Variants in ZFPM2 observed in about 807,000 individuals in gnomAD.
The protein encoded by ZFPM2 is zinc finger protein, FOG family member 2, also known as zinc finger protein ZFPM2.
A neutral mutation model predicts 98.6 loss-of-function variants in ZFPM2; 20 were observed. That is an observed-to-expected ratio of 0.20 (90% CI 0.14 to 0.29). ZFPM2 has a LOEUF of 0.29. Among genes scored for constraint, ZFPM2 ranks in the 10% least tolerant of loss-of-function variants. The pLI is 1.00. For missense variants in ZFPM2, 1,310 were observed against 1,388.6 expected, an observed-to-expected ratio of 0.94 and a Z score of 0.90; for synonymous variants, 518 against 502.7, an observed-to-expected ratio of 1.03 and a Z score of -0.41.
chr8:105,377,915 C>T (rs190340537), intron 1 of ZFPM2, among the ~76,000 whole-genome samples: 3 of 152,182 alleles, frequency 2.0e-5, no homozygotes, highest in Non-Finnish European at 2.9e-5. Flanking sequence ...GTTTGAACAC[C>T]TTGAAGAGTA....
At chr8:105,586,561 T>A (rs1055586388) in intron 4 of ZFPM2, among the ~76,000 whole-genome samples, 7 of 151,946 alleles carry the variant, frequency 4.6e-5, no homozygotes, top group South Asian at 2.1e-4. Flanking sequence ...TAGCTGGGAC[T>A]CCAGGCGTGT....
rs201515430 is a variant in ZFPM2, at chr8:105,801,857, C to G, written c.1775C>G (p.Pro592Arg). ...TTCCCTAGTGTGTCAGAAAAGATGC[C>G]TGAAGCTTTGAGTCCCAACACTGGC... Reference protein sequence around the residue: ...PEFPSVSEKMPEALSPNTGQT... With the variant: ...PEFPSVSEKMREALSPNTGQT... Residue 592 changes from proline (P) to arginine (R), a missense_variant, in exon 8 of 8, where the codon CCT becomes CGT. Physicochemically the swap from Pro to Arg is moderately radical, Grantham distance 103. Transcript: ENST00000407775. 31 of 1,613,936 alleles carry G rather than the reference C, an allele frequency of 1.9e-5. No individual in the cohort carries two copies. The African/African-American group carries it at 3.7e-4, about 19-fold the overall frequency.
chr8:105,786,459 AT>A (rs550095638), intron 5 of ZFPM2, among the ~76,000 whole-genome samples: 122 of 152,342 alleles, frequency 8.0e-4, no homozygotes, highest in African/African-American at 2.8e-3. Flanking sequence ...TTAACGAATG[AT>A]TTGAAAGATT....
chr8:105,417,931 A>G (rs1321264517), intron 1 of ZFPM2, among the ~76,000 whole-genome samples: 1 of 152,160 alleles, frequency 6.6e-6, no homozygotes, highest in Non-Finnish European at 1.5e-5. Flanking sequence ...AGAAATTTTT[A>G]GTTGGATGTC....
chr8:105,419,816 A>G (rs1218575357), intron 2 of ZFPM2, among the ~76,000 whole-genome samples: 1 of 151,780 alleles, frequency 6.6e-6, no homozygotes, highest in Non-Finnish European at 1.5e-5. Flanking sequence ...TTCTTTCTCC[A>G]TTCTAGATAC....
intron 2 of ZFPM2, among the ~76,000 whole-genome samples, chr8:105,443,613 A>G (rs1563661343): frequency 6.6e-6 from 1 of 152,138 alleles, no homozygotes; most frequent in Non-Finnish European, 1.5e-5. Context: ...CCATAACTAT[A>G]TTTTTGCTCA....
intron 5 of ZFPM2, among the ~76,000 whole-genome samples, chr8:105,639,949 T>C (rs1816919735): frequency 6.6e-6 from 1 of 152,038 alleles, no homozygotes; most frequent in Non-Finnish European, 1.5e-5. Context: ...AAGTCTTATA[T>C]ACAATGCTAG....
chr8:105,429,133 A>G (rs904084923), intron 2 of ZFPM2, among the ~76,000 whole-genome samples: 7 of 152,182 alleles, frequency 4.6e-5, no homozygotes, highest in Admixed American at 6.5e-5. Context: ...TGCTTACTAT[A>G]TATTTAACAA....
chr8:105,752,319 G>T (rs1812496590), intron 5 of ZFPM2, among the ~76,000 whole-genome samples: 2 of 152,106 alleles, frequency 1.3e-5, no homozygotes, highest in Non-Finnish European at 2.9e-5. Context: ...TGATTCTTCT[G>T]TGTTCCGTCG....
At chr8:105,785,859 G>A (rs1362935630) in intron 5 of ZFPM2, among the ~76,000 whole-genome samples, 4 of 151,894 alleles carry the variant, frequency 2.6e-5, no homozygotes, top group African/African-American at 4.8e-5. Context: ...TGGCTAACAC[G>A]GTGAAACCCC....
chr8:105,472,888 CCTTTT>C (rs1363247025), intron 3 of ZFPM2, among the ~76,000 whole-genome samples: 3 of 110,456 alleles, frequency 2.7e-5, no homozygotes, highest in African/African-American at 9.8e-5. Context: ...CCTAAAGGGA[CCTTTT>C]TTTTTTTTTT....
intron 5 of ZFPM2, among the ~76,000 whole-genome samples, chr8:105,656,495 A>G (rs1817288726): frequency 6.6e-6 from 1 of 152,158 alleles, no homozygotes; most frequent in Non-Finnish European, 1.5e-5. Flanking sequence ...CAACCACATC[A>G]GTATTACGTC....
chr8:105,366,571 A>C (rs997294355), intron 1 of ZFPM2, among the ~76,000 whole-genome samples: 1 of 151,722 alleles, frequency 6.6e-6, no homozygotes, highest in Non-Finnish European at 1.5e-5. Flanking sequence ...CACATTGTGC[A>C]GGTTAGTTAC....
At chr8:105,743,501 G>T (rs1037911148) in intron 5 of ZFPM2, among the ~76,000 whole-genome samples, 125 of 152,136 alleles carry the variant, frequency 8.2e-4, no homozygotes, top group African/African-American at 2.8e-3. Flanking sequence ...TATATGCAGG[G>T]GTGCAGGGTC....
intron 5 of ZFPM2, among the ~76,000 whole-genome samples, chr8:105,714,115 G>T (rs1811464278): frequency 6.6e-6 from 1 of 151,960 alleles, no homozygotes; most frequent in Admixed American, 6.6e-5. Flanking sequence ...CCATATGTTT[G>T]ATTTGTCTGT....
In ZFPM2 at chr8:105,789,292, G is replaced by C. The variant is rs569839323; in HGVS notation, c.739+368G>C. Reference sequence around the variant, plus strand: ...GATGTTCCCCTTCCTGTGTCCATGTGTTCTCATTGTTCAATTCCCACCTAT... The same window carrying C: ...GATGTTCCCCTTCCTGTGTCCATGTCTTCTCATTGTTCAATTCCCACCTAT... On this transcript the variant is annotated intron_variant, in intron 6 of 7. Transcript: ENST00000407775. 7.1e-3 allele frequency among the ~76,000 whole-genome samples: 1,077 copies of C among 151,894 alleles called. 8 individuals carry two copies. Among genetic ancestry groups the C allele is most frequent in the Non-Finnish European group, 0.012 (844 of 67,964 alleles).
At chr8:105,355,881 G>T (rs945074717) in intron 1 of ZFPM2, among the ~76,000 whole-genome samples, 2 of 152,162 alleles carry the variant, frequency 1.3e-5, no homozygotes, top group Admixed American at 6.5e-5. Flanking sequence ...ATATGTGTTT[G>T]AACATGTAGA....
rs1264507586 is a variant in ZFPM2 at position 105,795,257 on chromosome 8, T to C, written c.740-3467T>C. On this transcript the variant is annotated intron_variant, in intron 6 of 7. Transcript: ENST00000407775. ...CCCTCATTTTATCTTTGTGTGTGTG[T>C]GTGTGTGTGTGTGTGTGTGTGTGTG... Among the ~76,000 whole-genome samples, 8 of 150,216 alleles carry C rather than the reference T, an allele frequency of 5.3e-5. No individual in the cohort carries two copies. In the East Asian group the frequency reaches 7.9e-4, roughly 15 times the overall value.
At chr8:105,396,360 G>C (rs989467221) in intron 1 of ZFPM2, among the ~76,000 whole-genome samples, 1 of 152,204 alleles carries the variant, frequency 6.6e-6, no homozygotes, top group African/African-American at 2.4e-5. Context: ...TGGAGTGTGA[G>C]TACCTGCCTT....
Sources: gnomAD v4.1 joint callset for allele counts (sites outside exome capture counted in the v4.1 genomes callset) on GRCh38, gnomAD v4.1.1 for gene constraint, MANE v1.5 for transcripts, NCBI Gene and HGNC (gene_info 2026-07-23, HGNC 2026-07-21) for gene names.